ZFHX4: variants seen among roughly 807,000 people sequenced by gnomAD.
The protein encoded by ZFHX4 is zinc finger homeobox protein 4.
A neutral mutation model predicts 267.6 loss-of-function variants in ZFHX4; 56 were observed. That is an observed-to-expected ratio of 0.21 (90% confidence interval 0.17 to 0.26). The LOEUF is 0.26. ZFHX4 is among the 10% of genes least tolerant of loss of function. ZFHX4 has a pLI of 1.00. For missense variants in ZFHX4, 4,332 were observed against 4,420.0 expected (o/e 0.98, Z 0.56); for synonymous variants, 1,778 against 1,665.6 (o/e 1.07, Z -1.64).
chr8:76,840,894 G>A (rs558444291), intron 5 of ZFHX4, among the ~76,000 whole-genome samples: 1 of 152,334 alleles, frequency 6.6e-6, no homozygotes, highest in East Asian at 1.9e-4. Context: ...ACCTACCAGC[G>A]TGGCCTGGTG....
At chr8:76,754,600 T>C (rs570651854) in intron 3 of ZFHX4, among the ~76,000 whole-genome samples, 137 of 152,330 alleles carry the variant, frequency 9.0e-4, no homozygotes, top group Non-Finnish European at 1.6e-3. Flanking sequence ...ATTTATAGGA[T>C]ATAGAGCAAT....
At chr8:76,727,953 C>T (rs1270363634) in intron 3 of ZFHX4, among the ~76,000 whole-genome samples, 3 of 152,142 alleles carry the variant, frequency 2.0e-5, no homozygotes, top group African/African-American at 4.8e-5. Flanking sequence ...GGATTATGCT[C>T]ATGAATTTCA....
At chr8:76,737,913 C>T (rs575635516) in intron 3 of ZFHX4, among the ~76,000 whole-genome samples, 7 of 152,046 alleles carry the variant, frequency 4.6e-5, no homozygotes, top group Non-Finnish European at 1.0e-4. Flanking sequence ...TTATTTCATG[C>T]CCTGTGAGGT....
At chr8:76,769,563 G>C (rs1810205478) in intron 3 of ZFHX4, among the ~76,000 whole-genome samples, 1 of 152,026 alleles carries the variant, frequency 6.6e-6, no homozygotes. Context: ...ATTAGCCCAG[G>C]CTGGTCTTGA....
intron 3 of ZFHX4, among the ~76,000 whole-genome samples, chr8:76,718,833 C>T (rs1808643926): frequency 6.6e-6 from 1 of 151,572 alleles, no homozygotes; most frequent in South Asian, 2.1e-4. Flanking sequence ...AGTTGCTGTT[C>T]CATGTACCAG....
intron 4 of ZFHX4, among the ~76,000 whole-genome samples, chr8:76,826,013 G>C (rs1202913684): frequency 2.0e-5 from 3 of 152,190 alleles, no homozygotes; most frequent in Non-Finnish European, 4.4e-5. Flanking sequence ...ATCTGAGGCA[G>C]AGTAATTTAT....
At chr8:76,805,693 C>T (rs1585964157) in intron 4 of ZFHX4, among the ~76,000 whole-genome samples, 2 of 151,738 alleles carry the variant, frequency 1.3e-5, no homozygotes, top group East Asian at 3.9e-4. Flanking sequence ...CATCATGTCT[C>T]AGCAGGGAAT....
In ZFHX4 at chr8:76,706,298, A is replaced by G; in HGVS notation, c.2210A>G (p.Gln737Arg). 1 of 1,614,122 alleles carries G rather than the reference A, an allele frequency of 6.2e-7. No individual in the cohort carries two copies. Among genetic ancestry groups the G allele is most frequent in the Non-Finnish European group, 8.5e-7 (1 of 1,180,008 alleles). The change falls in exon 2 of 11, where the codon CAG becomes CGG. Residue 737 changes from glutamine (Q) to arginine (R), a missense_variant. Gln to Arg is a conservative substitution (Grantham distance 43). Coordinates refer to ENST00000651372, the MANE Select transcript of ZFHX4 (RefSeq NM_024721.5). ...AATCTCCAAAATGGCAATGGTGAGC[A>G]GGTGTTTGGCCACTCTGCCCCAGCC... ...VQNLQNGNGE[Q>R]VFGHSAPAPN... is the part of the protein sequence containing the mutation.
chr8:76,855,010 C>A lies in ZFHX4; in HGVS notation c.8089C>A (p.Arg2697=). Residue 2697 remains arginine, a synonymous_variant, in exon 10 of 11, where the codon CGG becomes AGG. Coordinates refer to ENST00000651372, the MANE Select transcript of ZFHX4 (RefSeq NM_024721.5). ...KSALESHIRS[R]HWNEGKQAGY... ...GGCCTTAGAAAGCCACATTCGCTCTCGGCACTGGAATGAAGGAAAGCAGGC... is the reference window on the plus strand; with the variant it reads ...GGCCTTAGAAAGCCACATTCGCTCTAGGCACTGGAATGAAGGAAAGCAGGC... The A allele has an allele frequency of 6.2e-7, 1 of 1,613,946 alleles. No homozygotes were observed. The highest frequency in any genetic ancestry group is 2.2e-5 in the East Asian group (1 of 44,848).
At position 76,856,335 on chromosome 8, in the gene ZFHX4, T is replaced by G. The variant is rs746123162; in HGVS notation, c.9379+35T>G. ...TTAAAGGAGACTCAGTCTAGTTAAT[T>G]AAGTAGCATCAGGTAGACAGTCACA... On this transcript the variant is annotated intron_variant, in intron 10 of 10. Coordinates refer to ENST00000651372, the MANE Select transcript of ZFHX4 (RefSeq NM_024721.5). The G allele has an allele frequency of 5.0e-6, 8 of 1,607,954 alleles. No homozygotes were observed. In the East Asian group the frequency reaches 1.8e-4, roughly 36 times the overall value.
chr8:76,769,043 A>G (rs2131745611), intron 3 of ZFHX4, among the ~76,000 whole-genome samples: 1 of 152,172 alleles, frequency 6.6e-6, no homozygotes, highest in Admixed American at 6.5e-5. Context: ...GACTGCAGTG[A>G]GCTATGATTG....
At chr8:76,844,461 C>T (rs767977401) in intron 6 of ZFHX4, among the ~76,000 whole-genome samples, 3 of 152,030 alleles carry the variant, frequency 2.0e-5, no homozygotes, top group Non-Finnish European at 2.9e-5. Context: ...CTGGGAATCT[C>T]TAGAAAAATG....
rs1812618176 is a variant in ZFHX4, at chr8:76,853,797, A to G, written c.6876A>G (p.Lys2292=). 4 of 1,613,658 alleles carry G rather than the reference A, an allele frequency of 2.5e-6. No homozygotes were observed. Among genetic ancestry groups the G allele is most frequent in the Admixed American group, 1.7e-5 (1 of 59,990 alleles). Reference sequence around the variant, plus strand: ...GTTATGAGAATCAAGCAGAAACAAAAGATAATGAAAAAAGAGAACTCACTA... The same window carrying G: ...GTTATGAGAATCAAGCAGAAACAAAGGATAATGAAAAAAGAGAACTCACTA... ...RKSYENQAET[K]DNEKRELTNE... The change falls in exon 10 of 11, where the codon AAA becomes AAG. Residue 2292 remains lysine (K), a synonymous_variant. Coordinates refer to ENST00000651372, the MANE Select transcript of ZFHX4 (RefSeq NM_024721.5).
At chr8:76,857,364 AT>A (rs1812759177) in intron 10 of ZFHX4, among the ~76,000 whole-genome samples, 2 of 127,234 alleles carry the variant, frequency 1.6e-5, no homozygotes, top group East Asian at 1.1e-3. Context: ...TTATATATAT[AT>A]ATATATATAT....
chr8:76,864,172 T>A lies in ZFHX4; in HGVS notation c.10458T>A (p.His3486Gln), dbSNP rs1812962929. ...AAGCAATGAGAAATGCCAAAGAGCA[T>A]GTTAGATTATTACCTCACTCAGTCT... Reference protein sequence around the residue: ...IKQAMRNAKEHVRLLPHSVCS... With the variant: ...IKQAMRNAKEQVRLLPHSVCS... The change falls in exon 11 of 11, where the codon CAT (histidine) becomes CAA (glutamine). Residue 3486 changes from histidine (H) to glutamine (Q), a missense_variant. This residue lies in a region of ZFHX4 where 1,648 missense variants were observed against 1,625.0 expected (regional missense o/e 1.01). Coordinates refer to ENST00000651372, the MANE Select transcript of ZFHX4 (RefSeq NM_024721.5). 5 of 1,613,938 alleles carry A rather than the reference T, an allele frequency of 3.1e-6. No homozygotes were observed. In the East Asian group the frequency reaches 1.1e-4, roughly 36 times the overall value.
At position 76,705,751 on chromosome 8, in the gene ZFHX4, A is replaced by G; in HGVS notation, c.1663A>G (p.Ser555Gly). 1 of 1,614,048 alleles carries G rather than the reference A, an allele frequency of 6.2e-7. No individual in the cohort carries two copies. The highest frequency in any genetic ancestry group is 8.5e-7 in the Non-Finnish European group (1 of 1,179,906). ...CAGTGTTGCTAGTAACTATGGCATC[A>G]GTGGCAAGGACTTTGCAGACGCAAG... ...SGSVASNYGI[S>G]GKDFADASAS... Residue 555 changes from serine (S) to glycine (G), a missense_variant, in exon 2 of 11, where the codon AGT becomes GGT. By Grantham distance (56) the Ser-to-Gly change is moderately conservative. This residue lies in a region of ZFHX4 where 1,195 missense variants were observed against 1,173.6 expected (regional missense o/e 1.02). Transcript: ENST00000651372.
chr8:76,747,427 C>T lies in ZFHX4; in HGVS notation c.3094-30781C>T, dbSNP rs1458766117. Among the ~76,000 whole-genome samples the T allele has an allele frequency of 2.0e-5, 3 of 152,252 alleles. No individual in the cohort carries two copies. In the East Asian group the frequency reaches 5.8e-4, roughly 29 times the overall value. Reference sequence around the variant, plus strand: ...GATTTCGATCCTCACTCTTCTCCCACCCTCCACCCTCAGTTAATTCCCAGT... The same window carrying T: ...GATTTCGATCCTCACTCTTCTCCCATCCTCCACCCTCAGTTAATTCCCAGT... On this transcript the variant is annotated intron_variant, in intron 3 of 10. Coordinates refer to ENST00000651372, the MANE Select transcript of ZFHX4 (RefSeq NM_024721.5).
At chr8:76,799,695 T>A (rs1811069007) in intron 4 of ZFHX4, among the ~76,000 whole-genome samples, 1 of 152,192 alleles carries the variant, frequency 6.6e-6, no homozygotes, top group South Asian at 2.1e-4. Flanking sequence ...TATCTCACTC[T>A]CTCTTTCCAG....
chr8:76,787,828 A>G (rs1475481478), intron 4 of ZFHX4, among the ~76,000 whole-genome samples: 1 of 151,886 alleles, frequency 6.6e-6, no homozygotes, highest in African/African-American at 2.4e-5. Flanking sequence ...AAGAAAAAAG[A>G]AAATATGACT....
Sources: gnomAD v4.1 joint callset for allele counts (sites outside exome capture counted in the v4.1 genomes callset) on GRCh38, gnomAD v4.1.1 for gene constraint, gnomAD v4.1.1 regional missense constraint, MANE v1.5 for transcripts, NCBI Gene and HGNC (gene_info 2026-07-23, HGNC 2026-07-21) for gene names.